The following NFIA variants were observed in gnomAD, a reference collection of about 807,000 sequenced individuals.
NFIA encodes the protein nuclear factor 1 A-type.
A neutral mutation model predicts 62.8 loss-of-function variants in NFIA; 8 were observed. The observed-to-expected ratio is 0.13, with a 90% CI of 0.07 to 0.23. The LOEUF is 0.23. Among genes scored for constraint, NFIA ranks in the 10% least tolerant of loss-of-function variants. NFIA has a pLI of 1.00. For synonymous variants in NFIA, 235 were observed against 238.1 expected, an observed-to-expected ratio of 0.99 and a Z score of 0.12; for missense variants, 410 against 642.1, an observed-to-expected ratio of 0.64 and a Z score of 3.91.
At chr1:61,173,303 G>A (rs1650090766) in intron 2 of NFIA, among the ~76,000 whole-genome samples, 1 of 152,188 alleles carries the variant, frequency 6.6e-6, no homozygotes, top group South Asian at 2.1e-4. Flanking sequence ...GGGTGTCTAG[G>A]GACCTGGCCT....
intron 10 of NFIA, among the ~76,000 whole-genome samples, chr1:61,428,569 T>C (rs1666970052): frequency 6.6e-6 from 1 of 152,010 alleles, no homozygotes; most frequent in African/African-American, 2.4e-5. Context: ...GAGGTAAAAA[T>C]TATGTGTTCT....
At chr1:61,093,041 C>T (rs182212428) in intron 2 of NFIA, among the ~76,000 whole-genome samples, 1 of 152,108 alleles carries the variant, frequency 6.6e-6, no homozygotes, top group African/African-American at 2.4e-5. Flanking sequence ...ATAAATAAAT[C>T]GCATTAGATT....
chr1:61,091,619 T>C (rs1040665414), intron 2 of NFIA, among the ~76,000 whole-genome samples: 2 of 152,212 alleles, frequency 1.3e-5, no homozygotes, highest in African/African-American at 4.8e-5. Context: ...GGGGATACTA[T>C]GGTATTGTGG....
In NFIA at chr1:61,460,841, A is replaced by C. The variant is rs1021363555; in HGVS notation, c.*5521A>C. ...CCATAATGCTTAGTGAACTGTATGA[A>C]TATTACTCAAAGTTATGTTAGTCTT... On this transcript the variant is annotated 3_prime_UTR_variant, in exon 11 of 11. Transcript: ENST00000403491. 3 of 152,186 alleles carry C rather than the reference A, an allele frequency of 2.0e-5. No homozygotes were observed. Among genetic ancestry groups the C allele is most frequent in the Non-Finnish European group, 2.9e-5 (2 of 68,030 alleles). 9.4% of individuals were successfully genotyped at this position (152,186 alleles called of 1,614,324 possible). A position where few individuals can be genotyped will look rare whatever the true frequency, so the allele number is the denominator to read the frequency against.
intron 6 of NFIA, among the ~76,000 whole-genome samples, chr1:61,371,952 CA>C (rs1190018477): frequency 3.3e-5 from 5 of 152,078 alleles, no homozygotes; most frequent in African/African-American, 1.2e-4. Flanking sequence ...GAAGAAGCCG[CA>C]AAAGATGATA....
Position 61,146,736 on chromosome 1 carries a change from A to G in NFIA, c.559+58056A>G, listed in dbSNP as rs111227113. 7.0e-3 allele frequency among the ~76,000 whole-genome samples: 1,061 copies of G among 152,232 alleles called. 14 individuals carry two copies. Among genetic ancestry groups the G allele is most frequent in the African/African-American group, 0.023 (973 of 41,554 alleles). ...CTGTCCCCATACCCTCCACCCCCAC[A>G]TGGTGTGCTTTCTCCAGAAAGGGAC... is the stretch of plus-strand genomic sequence containing the variant. On this transcript the variant is annotated intron_variant, in intron 2 of 10. Transcript: ENST00000403491.
At chr1:61,365,382 G>A (rs1258337510) in intron 6 of NFIA, among the ~76,000 whole-genome samples, 3 of 152,054 alleles carry the variant, frequency 2.0e-5, no homozygotes, top group South Asian at 2.1e-4. Flanking sequence ...TAAATGTCAC[G>A]CTCTCCAACC....
intron 10 of NFIA, among the ~76,000 whole-genome samples, chr1:61,434,670 G>C (rs1253142689): frequency 6.6e-6 from 1 of 152,112 alleles, no homozygotes; most frequent in Non-Finnish European, 1.5e-5. Context: ...GATCTTCTTA[G>C]TTGAAACAAA....
chr1:61,375,351 C>T (rs911326886), intron 6 of NFIA, among the ~76,000 whole-genome samples: 2 of 152,012 alleles, frequency 1.3e-5, no homozygotes, highest in African/African-American at 4.8e-5. Context: ...CTGTCTGTTC[C>T]CCACACTTAG....
chr1:61,128,363 G>A (rs1393969230), intron 2 of NFIA, among the ~76,000 whole-genome samples: 1 of 152,092 alleles, frequency 6.6e-6, no homozygotes, highest in Non-Finnish European at 1.5e-5. Context: ...TGTAATCCCA[G>A]AACTTTGGGA....
chr1:61,315,363 A>G (rs566712726), intron 3 of NFIA, among the ~76,000 whole-genome samples: 1 of 152,332 alleles, frequency 6.6e-6, no homozygotes, highest in South Asian at 2.1e-4. Flanking sequence ...AGTAAATGAA[A>G]TTGAACTCGC....
intron 7 of NFIA, among the ~76,000 whole-genome samples, chr1:61,384,667 A>G (rs978342095): frequency 6.6e-6 from 1 of 152,220 alleles, no homozygotes; most frequent in Non-Finnish European, 1.5e-5. Flanking sequence ...GATCAGAGAT[A>G]TGAAGCCCTT....
intron 6 of NFIA, among the ~76,000 whole-genome samples, chr1:61,379,354 C>T (rs1363772131): frequency 6.7e-6 from 1 of 150,266 alleles, no homozygotes. Flanking sequence ...TTCTGAGTAG[C>T]TGGGACTGTA....
chr1:61,447,341 C>T (rs1421093055), intron 10 of NFIA, among the ~76,000 whole-genome samples: 2 of 152,174 alleles, frequency 1.3e-5, no homozygotes, highest in African/African-American at 4.8e-5. Context: ...CATTAAAATA[C>T]AGCCTTTAAT....
At chr1:61,225,652 C>T (rs755296535) in intron 2 of NFIA, among the ~76,000 whole-genome samples, 1 of 149,968 alleles carries the variant, frequency 6.7e-6, no homozygotes, top group African/African-American at 2.5e-5. Context: ...TTCGTATCTA[C>T]GATTGACATC....
intron 10 of NFIA, among the ~76,000 whole-genome samples, chr1:61,438,964 G>T (rs1371838507): frequency 6.7e-6 from 1 of 150,076 alleles, no homozygotes; most frequent in Non-Finnish European, 1.5e-5. Flanking sequence ...CAAGGTGAAG[G>T]CTTCGTTTTC....
intron 2 of NFIA, among the ~76,000 whole-genome samples, chr1:61,146,736 A>C (rs111227113): frequency 1.3e-5 from 2 of 152,120 alleles, no homozygotes; most frequent in Non-Finnish European, 2.9e-5. Context: ...CCACCCCCAC[A>C]TGGTGTGCTT....
intron 7 of NFIA, chr1:61,385,951 C>G (rs552842759): frequency 1.3e-5 from 2 of 152,186 alleles, no homozygotes; most frequent in African/African-American, 2.4e-5. Flanking sequence ...TGTCCCACCC[C>G]GCTTAGTGGT....
intron 9 of NFIA, among the ~76,000 whole-genome samples, chr1:61,414,215 T>C (rs533836300): frequency 1.4e-3 from 218 of 152,130 alleles, no homozygotes; most frequent in African/African-American, 5.2e-3. Context: ...ACTCCTGGCC[T>C]CAAGCGGTCC....
Sources: allele counts gnomAD v4.1 joint callset (sites outside exome capture counted in the v4.1 genomes callset), GRCh38; gene constraint gnomAD v4.1.1; transcripts MANE v1.5; gene names NCBI Gene and HGNC (gene_info 2026-07-23, HGNC 2026-07-21).